RTN3: variants seen among roughly 807,000 people sequenced by gnomAD.
The protein encoded by RTN3 is reticulon-3.
RTN3 carries 49 observed loss-of-function variants against 77.8 expected under a neutral mutation model. The observed-to-expected ratio is 0.63, with a 90% CI of 0.50 to 0.80. The LOEUF is 0.80. RTN3 is among the 30% of genes least tolerant of loss of function. The probability of loss-of-function intolerance (pLI) is 0.00; values close to 1 mark genes in which losing one functional copy is unlikely to be tolerated. For missense variants in RTN3, 1,236 were observed against 1,211.9 expected (o/e 1.02, Z -0.29); for synonymous variants, 464 against 446.9 (o/e 1.04, Z -0.48).
At chr11:63,716,885 C>G (rs1181149443) in intron 2 of RTN3, among the ~76,000 whole-genome samples, 1 of 149,194 alleles carries the variant, frequency 6.7e-6, no homozygotes, top group Non-Finnish European at 1.5e-5. Context: ...AGGAGAATGG[C>G]GCGAACCCGG....
intron 3 of RTN3, among the ~76,000 whole-genome samples, chr11:63,725,905 C>A (rs909804229): frequency 7.2e-5 from 11 of 151,990 alleles, no homozygotes; most frequent in African/African-American, 2.2e-4. Flanking sequence ...TAAAAATGTT[C>A]GTAATTTATT....
chr11:63,697,705 C>T (rs1238526581), intron 1 of RTN3, among the ~76,000 whole-genome samples: 1 of 151,720 alleles, frequency 6.6e-6, no homozygotes, highest in East Asian at 2.0e-4. Flanking sequence ...TGAACTCCTT[C>T]CCTCAGGTGA....
At chr11:63,734,562 C>A (rs1180209676) in intron 3 of RTN3, among the ~76,000 whole-genome samples, 1 of 151,496 alleles carries the variant, frequency 6.6e-6, no homozygotes, top group Non-Finnish European at 1.5e-5. Context: ...CATGGTGAAA[C>A]CTCTACTAAA....
intron 1 of RTN3, among the ~76,000 whole-genome samples, chr11:63,699,555 A>G (rs1942134145): frequency 1.3e-5 from 2 of 152,260 alleles, no homozygotes; most frequent in South Asian, 4.1e-4. Context: ...TTTCTAAAAC[A>G]CGTGATATTG....
intron 1 of RTN3, among the ~76,000 whole-genome samples, chr11:63,688,545 TTTTG>T (rs1269623490): frequency 6.6e-6 from 1 of 152,098 alleles, no homozygotes; most frequent in Non-Finnish European, 1.5e-5. Context: ...TTAATGCTGT[TTTTG>T]TTTATTGTCA....
rs2014578741 is a variant in RTN3 at position 63,759,834 on chromosome 11, G to C, written c.*1633G>C. The C allele has an allele frequency of 6.6e-6, 1 of 150,432 alleles. No individual in the cohort carries two copies. The highest frequency in any genetic ancestry group is 2.5e-5 in the African/African-American group (1 of 40,676). 9.3% of individuals were successfully genotyped at this position (150,432 alleles called of 1,614,324 possible). On this transcript the variant is annotated 3_prime_UTR_variant, in exon 9 of 9. Coordinates refer to ENST00000377819, the MANE Select transcript of RTN3 (RefSeq NM_001265589.2). ...TAGCACCTAAGGAGCTTGAATCTTG[G>C]TTCCTGTAAAATTTCAAATTGATGT...
At chr11:63,758,043 C>T in intron 8 of RTN3, 113 bp from the exon 9 acceptor site, 1 of 747,252 alleles carries the variant, frequency 1.3e-6, no homozygotes, top group South Asian at 2.0e-5. Context: ...GAATGCATTT[C>T]ACATTGCTTA....
At chr11:63,718,515 G>T (rs1039501004) in intron 2 of RTN3, among the ~76,000 whole-genome samples, 187 bp from the exon 3 acceptor site, 18 of 152,022 alleles carry the variant, frequency 1.2e-4, no homozygotes, top group Non-Finnish European at 1.5e-5. Context: ...ACTGTTGGCA[G>T]TTTTATGCAT....
At position 63,759,137 on chromosome 11, in the gene RTN3, G is replaced by A. The variant is rs1372860218; in HGVS notation, c.*936G>A. The A allele has an allele frequency of 3.9e-5, 6 of 152,182 alleles. No homozygotes were observed. Among genetic ancestry groups the A allele is most frequent in the Admixed American group, 3.9e-4 (6 of 15,278 alleles). The allele number at this position is 152,182 out of a possible 1,614,324, so 9.4% of individuals were successfully genotyped here. A position where few individuals can be genotyped will look rare whatever the true frequency, so the allele number is the denominator to read the frequency against. On this transcript the variant is annotated 3_prime_UTR_variant, in exon 9 of 9. Coordinates refer to ENST00000377819, the MANE Select transcript of RTN3 (RefSeq NM_001265589.2). Reference sequence around the variant, plus strand: ...TGGGCTCCTCAGTTATTGAGTTTTTGTGATCCTATCTCAGTCTGGGGGGGA... The same window carrying A: ...TGGGCTCCTCAGTTATTGAGTTTTTATGATCCTATCTCAGTCTGGGGGGGA...
intron 3 of RTN3, among the ~76,000 whole-genome samples, chr11:63,741,077 T>C (rs1473728360): frequency 6.6e-6 from 1 of 152,140 alleles, no homozygotes; most frequent in Non-Finnish European, 1.5e-5. Context: ...GTCATTTCTG[T>C]GCTGTACTAA....
chr11:63,711,470 G>A (rs1417861196), intron 2 of RTN3, among the ~76,000 whole-genome samples: 1 of 151,250 alleles, frequency 6.6e-6, no homozygotes, highest in Admixed American at 6.6e-5. Flanking sequence ...GCTCACTGCA[G>A]CCTCAACTTT....
chr11:63,709,736 T>C (rs1361344757), intron 2 of RTN3, among the ~76,000 whole-genome samples: 2 of 152,220 alleles, frequency 1.3e-5, no homozygotes, highest in African/African-American at 4.8e-5. Context: ...TGTCTTGTTT[T>C]GTGAACATGA....
At chr11:63,687,525 A>G (rs1941437197) in intron 1 of RTN3, among the ~76,000 whole-genome samples, 6 of 151,762 alleles carry the variant, frequency 4.0e-5, no homozygotes, top group African/African-American at 1.4e-4. Context: ...CAGGAGAATC[A>G]CTTGAACCCA....
chr11:63,691,512 C>A (rs1010166474), intron 1 of RTN3, among the ~76,000 whole-genome samples: 1 of 152,150 alleles, frequency 6.6e-6, no homozygotes. Flanking sequence ...CTGCCTTAGC[C>A]TCTCAAAGTG....
At chr11:63,714,076 A>T (rs1003744698) in intron 2 of RTN3, 3 of 512,950 alleles carry the variant, frequency 5.8e-6, no homozygotes, top group African/African-American at 3.9e-5. Flanking sequence ...TTTGGTCTTC[A>T]TTCTATTTAA....
intron 2 of RTN3, among the ~76,000 whole-genome samples, chr11:63,706,195 GT>G (rs1276641431): frequency 1.3e-5 from 2 of 151,816 alleles, no homozygotes; most frequent in Non-Finnish European, 2.9e-5. Flanking sequence ...TGTTGTTGTT[GT>G]TTTGAGATAG....
intron 4 of RTN3, 108 bp downstream of exon 4, chr11:63,750,306 A>T: frequency 1.1e-6 from 1 of 890,264 alleles, no homozygotes; most frequent in South Asian, 1.7e-5. Flanking sequence ...TATGGGGCCT[A>T]ATGCAGCTGA....
Position 63,720,300 on chromosome 11 carries a change from C to A in RTN3, c.1798C>A (p.Pro600Thr), listed in dbSNP as rs1389390571. 6.2e-7 allele frequency: 1 copy of A among 1,613,166 alleles called. No homozygotes were observed. The highest frequency in any genetic ancestry group is 1.1e-5 in the South Asian group (1 of 90,862). The change falls in exon 3 of 9, where the codon CCT (proline) becomes ACT (threonine). Residue 600 changes from proline to threonine, a missense_variant. This residue lies in a region of RTN3 where 1,056 missense variants were observed against 990.4 expected (regional missense o/e 1.07). Coordinates refer to ENST00000377819, the MANE Select transcript of RTN3 (RefSeq NM_001265589.2). ...CTTAGAAGATGTGAGTGAAGTTGCT[C>A]CTGAAAAGCCTATTACTACTGAGAA... is the stretch of plus-strand genomic sequence containing the variant. Reference protein sequence around the residue: ...VSLEDVSEVAPEKPITTENPK... With the variant: ...VSLEDVSEVATEKPITTENPK...
chr11:63,700,441 A>G (rs1335249735), intron 1 of RTN3, among the ~76,000 whole-genome samples: 1 of 149,962 alleles, frequency 6.7e-6, no homozygotes, highest in Non-Finnish European at 1.5e-5. Flanking sequence ...ACACCCAGCT[A>G]ATTTTTTTTT....
Sources: gnomAD v4.1 joint callset for allele counts (sites outside exome capture counted in the v4.1 genomes callset) on GRCh38, gnomAD v4.1.1 for gene constraint, gnomAD v4.1.1 regional missense constraint, MANE v1.5 for transcripts, NCBI Gene and HGNC (gene_info 2026-07-23, HGNC 2026-07-21) for gene names.